The following HDAC10 variants were observed in gnomAD, a reference collection of about 807,000 sequenced individuals.
The protein encoded by HDAC10 is histone deacetylase 10.
A neutral mutation model predicts 82.3 loss-of-function variants in HDAC10; 90 were observed. The observed-to-expected ratio is 1.09, with a 90% CI of 0.92 to 1.30. HDAC10 has a LOEUF of 1.30. Ranked by LOEUF, HDAC10 falls within the 50% of genes most tolerant of loss-of-function variation. HDAC10 has a pLI of 0.00. For missense variants in HDAC10, 934 were observed against 876.3 expected (o/e 1.07, Z -0.83); for synonymous variants, 456 against 391.7 (o/e 1.16, Z -1.94).
At chr22:50,246,764 T>TG in intron 15 of HDAC10, 29 bp from the exon 16 acceptor site, 2 of 1,612,050 alleles carry the variant, frequency 1.2e-6, no homozygotes, top group Non-Finnish European at 8.5e-7. Context: ...TCAGGACAGG[T>TG]GTTCATGTTG....
In HDAC10 at chr22:50,245,984, C is replaced by T; in HGVS notation, c.1759G>A (p.Gly587Ser). The T allele has an allele frequency of 6.2e-7, 1 of 1,610,378 alleles. No individual in the cohort carries two copies. Among genetic ancestry groups the T allele is most frequent in the South Asian group, 1.1e-5 (1 of 90,652 alleles). ...GCAGCCAGGAGTGCAGCGTGGGGGC[C>T]CTGCAGGCCATGGCCAGGCCCCAGC... is the stretch of plus-strand genomic sequence containing the variant. Reference protein sequence around the residue: ...VALGPGHGLQGPHAALLAAML... With the variant: ...VALGPGHGLQSPHAALLAAML... Residue 587 changes from glycine (G) to serine (S), a missense_variant, in exon 18 of 20, where the codon GGC becomes AGC. By Grantham distance (56) the Gly-to-Ser change is moderately conservative. Coordinates refer to ENST00000216271, the MANE Select transcript of HDAC10 (RefSeq NM_032019.6).
chr22:50,250,830 C>A lies in HDAC10; in HGVS notation c.135G>T (p.Gln45His). The change falls in exon 2 of 20, where the codon CAG becomes CAT. Residue 45 changes from glutamine to histidine, a missense_variant. Transcript: ENST00000216271. Reference protein sequence around the residue: ...LDRLRQRGLEQRCLRLSAREA... With the variant: ...LDRLRQRGLEHRCLRLSAREA... ...CGCGGGCTGACAACCGCAGACACCTCTGTTCCAGGCCGCGCTGCCGCAGGC... is the reference window on the plus strand; with the variant it reads ...CGCGGGCTGACAACCGCAGACACCTATGTTCCAGGCCGCGCTGCCGCAGGC... 1 of 1,603,690 alleles carries A rather than the reference C, an allele frequency of 6.2e-7. No individual in the cohort carries two copies. The highest frequency in any genetic ancestry group is 2.3e-5 in the East Asian group (1 of 44,416).
At position 50,248,275 on chromosome 22, in the gene HDAC10, TG is replaced by T; in HGVS notation, c.1030del (p.Gln344ArgfsTer19). 2 of 1,612,464 alleles carry T rather than the reference TG, an allele frequency of 1.2e-6. No homozygotes were observed. Among genetic ancestry groups the T allele is most frequent in the Non-Finnish European group, 1.7e-6 (2 of 1,179,886 alleles). ...CGGGGCCTGGGCAGCACGGGCACTC[TG>T]GATGGACTCTAGGGCACTGTGAGGG... Reference protein sequence around the residue: ...APCQSALESIQSARAAQAPHW... With the variant: ...APCQSALESIXSARAAQAPHW... On this transcript the variant is annotated frameshift_variant, in exon 12 of 20. Coordinates refer to ENST00000216271, the MANE Select transcript of HDAC10 (RefSeq NM_032019.6). LOFTEE classifies it high-confidence loss of function. The surrounding 1 kb of genome is among the most constrained non-coding windows in gnomAD (Gnocchi z 5.4).
At position 50,247,909 on chromosome 22, in the gene HDAC10, C is replaced by G. The variant is rs1433331267; in HGVS notation, c.1318G>C (p.Glu440Gln). ...GCCCACCTGGCCCAGGCTTCTGTCT[C>G]CTCCCTCAGGGCTGACGCTTCCTGT... is the stretch of plus-strand genomic sequence containing the variant. Reference protein sequence around the residue: ...IQQEASALREETEAWARPHES... With the variant: ...IQQEASALREQTEAWARPHES... The change falls in exon 13 of 20, where the codon GAG becomes CAG. Residue 440 changes from glutamate to glutamine, a missense_variant. Physicochemically the swap from Glu to Gln is conservative, Grantham distance 29 (BLOSUM62 2). Transcript: ENST00000216271. The G allele has an allele frequency of 1.2e-6, 2 of 1,612,626 alleles. No individual in the cohort carries two copies. Among genetic ancestry groups the G allele is most frequent in the Admixed American group, 3.3e-5 (2 of 59,998 alleles).
rs201535823 is a variant in HDAC10, at chr22:50,248,213, G to A, written c.1081+12C>T. 9.1e-5 allele frequency: 147 copies of A among 1,610,300 alleles called. 1 individual carries two copies. In the East Asian group the frequency reaches 1.5e-3, roughly 16 times the overall value. The stretch of plus-strand genomic sequence containing the variant: ...GGTGGGATCCTGCAGCCTAGCACCC[G>A]GCCACACTGACCTTGCTGCTGGAGG... On this transcript the variant is annotated intron_variant, in intron 12 of 19. Transcript: ENST00000216271. The surrounding 1 kb of genome is among the most constrained non-coding windows in gnomAD (Gnocchi z 5.4).
chr22:50,251,129 G>A lies in HDAC10; in HGVS notation c.-97C>T, dbSNP rs1601634385. The A allele has an allele frequency of 6.8e-6, 9 of 1,325,124 alleles. No individual in the cohort carries two copies. In the East Asian group the frequency reaches 2.3e-4, roughly 34 times the overall value. 82.1% of individuals were successfully genotyped at this position (1,325,124 alleles called of 1,614,324 possible). ...TCGGCCGGGAGCAGCCGGAGGCCTGGGACCTGCCTGGGGCGCAGGCGGGCG... is the reference window on the plus strand; with the variant it reads ...TCGGCCGGGAGCAGCCGGAGGCCTGAGACCTGCCTGGGGCGCAGGCGGGCG... On this transcript the variant is annotated 5_prime_UTR_variant, in exon 1 of 20. Transcript: ENST00000216271.
In HDAC10 at chr22:50,248,069, T is replaced by C; in HGVS notation, c.1158A>G (p.Pro386=). 6.2e-7 allele frequency: 1 copy of C among 1,605,194 alleles called. No individual in the cohort carries two copies. Among genetic ancestry groups the C allele is most frequent in the Non-Finnish European group, 8.5e-7 (1 of 1,174,884 alleles). ...GTGCAGATGCAGCTGCCTTACACAC[T>C]GGACCCCCAGGCAGCAGAGGTGGAG... ...GRPPPLLPGG[P]VCKAAASAPS... Residue 386 remains proline, a synonymous_variant, in exon 13 of 20, where the codon CCA becomes CCG. Coordinates refer to ENST00000216271, the MANE Select transcript of HDAC10 (RefSeq NM_032019.6). The surrounding 1 kb of genome is among the most constrained non-coding windows in gnomAD (Gnocchi z 5.4).
At chr22:50,246,149 C>T in intron 17 of HDAC10, 57 bp from the exon 18 acceptor site, 2 of 1,557,406 alleles carry the variant, frequency 1.3e-6, no homozygotes, top group Non-Finnish European at 1.7e-6. Flanking sequence ...GCTCTGGCCT[C>T]CCAACCTCCC....
chr22:50,245,595 C>CCCCTG, intron 19 of HDAC10, 65 bp from the exon 20 acceptor site: 8 of 1,567,400 alleles, frequency 5.1e-6, no homozygotes, highest in Middle Eastern at 1.7e-4. Flanking sequence ...TCAGGGCACT[C>CCCCTG]CCCTGCCCTG....
rs1473706458 is a variant in HDAC10, at chr22:50,249,921, A to G, written c.433T>C (p.Cys145Arg). ...GCTATGGCCACGTTGTTGAACACAC[A>G]GAACCCGTTGGCAGCCGCCCTCTGG... ...HGQRAAANGFCVFNNVAIAAA... is the reference protein window; with the variant it reads ...HGQRAAANGFRVFNNVAIAAA... The change falls in exon 5 of 20, where the codon TGT (cysteine) becomes CGT (arginine). Residue 145 changes from cysteine (C) to arginine (R), a missense_variant. Physicochemically the swap from Cys to Arg is radical, Grantham distance 180. Coordinates refer to ENST00000216271, the MANE Select transcript of HDAC10 (RefSeq NM_032019.6). This position sits in a 1 kb window ranked among gnomAD's most constrained non-coding sequence, Gnocchi z 4.4. 1.2e-6 allele frequency: 2 copies of G among 1,612,880 alleles called. No homozygotes were observed. Among genetic ancestry groups the G allele is most frequent in the Non-Finnish European group, 1.7e-6 (2 of 1,179,888 alleles).
chr22:50,249,258 G>C lies in HDAC10; in HGVS notation c.690+70C>G. The C allele has an allele frequency of 7.9e-7, 1 of 1,268,200 alleles. No homozygotes were observed. Among genetic ancestry groups the C allele is most frequent in the Admixed American group, 2.2e-5 (1 of 45,216 alleles). The allele number at this position is 1,268,200 out of a possible 1,614,324, so 78.6% of individuals were successfully genotyped here. On this transcript the variant is annotated intron_variant, in intron 7 of 19. Coordinates refer to ENST00000216271, the MANE Select transcript of HDAC10 (RefSeq NM_032019.6). This position sits in a 1 kb window ranked among gnomAD's most constrained non-coding sequence, Gnocchi z 4.4. The stretch of plus-strand genomic sequence containing the variant: ...GGGTGGGGACCTGGGGCTTGAGGGT[G>C]AACTGTGGGGGAGGGGAGGGGCCCA...
At position 50,247,764 on chromosome 22, in the gene HDAC10, G is replaced by A; in HGVS notation, c.1350C>T (p.Ser450=). ...ETEAWARPHE[S]LAREEALTAL... ...CAGTGAGGGCCTCCTCCCGGGCCAG[G>A]GACTCGTGTGGCCTGTGGTGGACAG... The change falls in exon 14 of 20, where the codon TCC becomes TCT. Residue 450 remains serine (S), a synonymous_variant. Transcript: ENST00000216271. 1 of 1,609,400 alleles carries A rather than the reference G, an allele frequency of 6.2e-7. No individual in the cohort carries two copies. The highest frequency in any genetic ancestry group is 8.5e-7 in the Non-Finnish European group (1 of 1,177,026).
At position 50,248,589 on chromosome 22, in the gene HDAC10, G is replaced by C. The variant is rs1463074150; in HGVS notation, c.906+73C>G. On this transcript the variant is annotated intron_variant, in intron 10 of 19. Coordinates refer to ENST00000216271, the MANE Select transcript of HDAC10 (RefSeq NM_032019.6). The surrounding 1 kb of genome is among the most constrained non-coding windows in gnomAD (Gnocchi z 5.4). The stretch of plus-strand genomic sequence containing the variant: ...GACGCCCCTCCCAAATACCCCGTGG[G>C]CACCTGGCTCCCATGCTCCTGACCC... 6 of 1,469,090 alleles carry C rather than the reference G, an allele frequency of 4.1e-6. No homozygotes were observed. The African/African-American group carries it at 8.4e-5, about 21-fold the overall frequency. 91.0% of individuals were successfully genotyped at this position (1,469,090 alleles called of 1,614,324 possible). A position where few individuals can be genotyped will look rare whatever the true frequency, so the allele number is the denominator to read the frequency against.
At position 50,250,696 on chromosome 22, in the gene HDAC10, G is replaced by A. The variant is rs1351266387; in HGVS notation, c.194+75C>T. On this transcript the variant is annotated intron_variant, in intron 2 of 19. Coordinates refer to ENST00000216271, the MANE Select transcript of HDAC10 (RefSeq NM_032019.6). ...TGTATTCGAGGCTGGCAGGCTCGGG[G>A]TAGGCCCAGGTTCTTAGGTTTCTAG... is the stretch of plus-strand genomic sequence containing the variant. The A allele has an allele frequency of 2.8e-6, 4 of 1,444,406 alleles. No homozygotes were observed. The African/African-American group carries it at 5.7e-5, about 20-fold the overall frequency. 89.5% of individuals were successfully genotyped at this position (1,444,406 alleles called of 1,614,324 possible).
In HDAC10 at chr22:50,248,213, G is replaced by C; in HGVS notation, c.1081+12C>G. 6.2e-7 allele frequency: 1 copy of C among 1,610,300 alleles called. No homozygotes were observed. Reference sequence around the variant, plus strand: ...GGTGGGATCCTGCAGCCTAGCACCCGGCCACACTGACCTTGCTGCTGGAGG... The same window carrying C: ...GGTGGGATCCTGCAGCCTAGCACCCCGCCACACTGACCTTGCTGCTGGAGG... On this transcript the variant is annotated intron_variant, in intron 12 of 19. Transcript: ENST00000216271. This position sits in a 1 kb window ranked among gnomAD's most constrained non-coding sequence, Gnocchi z 5.4.
At chr22:50,247,426 C>T in intron 14 of HDAC10, 1 of 412,424 alleles carries the variant, frequency 2.4e-6, no homozygotes, top group East Asian at 3.8e-5. Flanking sequence ...AGCCACTGCA[C>T]CCTGCCTAAA....
At position 50,247,855 on chromosome 22, in the gene HDAC10, G is replaced by A. The variant is rs78536991; in HGVS notation, c.1337+35C>T. On this transcript the variant is annotated intron_variant, in intron 13 of 19. Coordinates refer to ENST00000216271, the MANE Select transcript of HDAC10 (RefSeq NM_032019.6). ...CACACACAGGCACAGGTGTAGATGC[G>A]GCCCCATCCTTCTCCCCAGGCCAGC... is the stretch of plus-strand genomic sequence containing the variant. The A allele has an allele frequency of 3.0e-4, 489 of 1,610,804 alleles. 1 individual carries two copies. The highest frequency in any genetic ancestry group is 3.0e-3 in the African/African-American group (221 of 74,562).
At chr22:50,247,861 A>G (rs2064994871) in intron 13 of HDAC10, 29 bp downstream of exon 13, 1 of 1,611,800 alleles carries the variant, frequency 6.2e-7, no homozygotes. Context: ...ATGCGGCCCC[A>G]TCCTTCTCCC....
Position 50,250,967 on chromosome 22 carries a change from C to CACTT in HDAC10, c.59+3_59+6dup. ...CCCGCACCCCACCTCGGCCAGGTCC[C>CACTT]ACTTACTCGTCCCAGAGCAGCCGGG... is the stretch of plus-strand genomic sequence containing the variant. On this transcript the variant is annotated splice_region_variant and intron_variant, in intron 1 of 19. Transcript: ENST00000216271. The CACTT allele has an allele frequency of 6.2e-7, 1 of 1,612,440 alleles. No individual in the cohort carries two copies. The highest frequency in any genetic ancestry group is 1.3e-5 in the African/African-American group (1 of 75,046).
Sources: allele counts gnomAD v4.1 joint callset, GRCh38; gene constraint gnomAD v4.1.1; non-coding constraint Gnocchi (gnomAD v3.1); transcripts MANE v1.5; gene names NCBI Gene and HGNC (gene_info 2026-07-23, HGNC 2026-07-21).